The following FBXL17 variants were observed in gnomAD, a reference collection of about 807,000 sequenced individuals.
The protein encoded by FBXL17 is F-box/LRR-repeat protein 17.
Under a neutral mutation model 66.2 loss-of-function variants are expected in FBXL17, and 22 were observed. The observed-to-expected ratio is 0.33, with a 90% confidence interval of 0.24 to 0.47. FBXL17 has a LOEUF of 0.47. Among genes scored for constraint, FBXL17 ranks in the 20% least tolerant of loss-of-function variants. FBXL17 has a pLI of 1.00. For synonymous variants in FBXL17, 474 were observed against 400.5 expected, an observed-to-expected ratio of 1.18 and a Z score of -2.19; for missense variants, 878 against 948.2, an observed-to-expected ratio of 0.93 and a Z score of 0.97.
chr5:108,294,773 C>CA (rs990682568), intron 4 of FBXL17, among the ~76,000 whole-genome samples: 5 of 151,708 alleles, frequency 3.3e-5, no homozygotes, highest in African/African-American at 1.2e-4. Flanking sequence ...GTTAAAAAAA[C>CA]AAAAAAATAC....
At chr5:108,209,388 G>A (rs971244849) in intron 5 of FBXL17, among the ~76,000 whole-genome samples, 2 of 152,042 alleles carry the variant, frequency 1.3e-5, no homozygotes, top group Admixed American at 6.6e-5. Flanking sequence ...GTCTGGTGCC[G>A]GTTTTCAAAG....
At chr5:107,912,256 T>C (rs1458264575) in intron 7 of FBXL17, among the ~76,000 whole-genome samples, 1 of 152,078 alleles carries the variant, frequency 6.6e-6, no homozygotes, top group Non-Finnish European at 1.5e-5. Flanking sequence ...CACAACTCCA[T>C]GATGAAGAGA....
chr5:108,043,052 T>C (rs546899736), intron 6 of FBXL17, among the ~76,000 whole-genome samples: 1 of 152,344 alleles, frequency 6.6e-6, no homozygotes, highest in African/African-American at 2.4e-5. Context: ...GTCTATGTCA[T>C]TTACGCATTT....
chr5:108,075,697 G>A (rs200632088), intron 6 of FBXL17, among the ~76,000 whole-genome samples: 3 of 152,076 alleles, frequency 2.0e-5, no homozygotes, highest in South Asian at 2.1e-4. Context: ...GGCTGGTCTC[G>A]AACTCCTGAT....
chr5:108,234,614 C>T (rs1385351538), intron 4 of FBXL17, among the ~76,000 whole-genome samples: 1 of 152,170 alleles, frequency 6.6e-6, no homozygotes, highest in Non-Finnish European at 1.5e-5. Context: ...AATGGGTCTA[C>T]TTTCTAGGGA....
chr5:108,138,609 T>C (rs1156520456), intron 6 of FBXL17, among the ~76,000 whole-genome samples: 2 of 152,186 alleles, frequency 1.3e-5, no homozygotes, highest in African/African-American at 2.4e-5. Context: ...TAAAGAAAGT[T>C]TAATTTTTCC....
intron 6 of FBXL17, among the ~76,000 whole-genome samples, chr5:108,023,535 G>C (rs566656738): frequency 2.6e-5 from 4 of 152,224 alleles, no homozygotes; most frequent in African/African-American, 9.6e-5. Flanking sequence ...CGTTTCCCTG[G>C]CAGCATGTGG....
chr5:108,282,529 G>A (rs966681409), intron 4 of FBXL17, among the ~76,000 whole-genome samples: 3 of 151,544 alleles, frequency 2.0e-5, no homozygotes, highest in Non-Finnish European at 4.4e-5. Flanking sequence ...AGTAATAAAG[G>A]CTATATACGA....
rs548640743 is a variant in FBXL17 at position 108,200,843 on chromosome 5, G to A, written c.1615-14596C>T. Among the ~76,000 whole-genome samples, 136 of 152,234 alleles carry A rather than the reference G, an allele frequency of 8.9e-4. 3 individuals are homozygous for A. Among genetic ancestry groups the A allele is most frequent in the African/African-American group, 3.1e-3 (129 of 41,548 alleles). On this transcript the variant is annotated intron_variant, in intron 5 of 8. Transcript: ENST00000542267. ...GTGTAAATGCCTGTAATACGTCTGG[G>A]CTAGAGAGCAAACATGTGAAGAGCT...
intron 6 of FBXL17, among the ~76,000 whole-genome samples, chr5:108,107,684 C>A (rs1239092482): frequency 6.6e-6 from 1 of 151,542 alleles, no homozygotes; most frequent in Non-Finnish European, 1.5e-5. Context: ...TGGTGGCGGG[C>A]ACCTGTAGTC....
rs1189345369 is a variant in FBXL17, at chr5:108,381,740, G to A, written c.-49C>T. On this transcript the variant is annotated 5_prime_UTR_variant, in exon 1 of 9. Coordinates refer to ENST00000542267, the MANE Select transcript of FBXL17 (RefSeq NM_001163315.3). The stretch of plus-strand genomic sequence containing the variant: ...CCGGGACGGGAGGGAGGGAGACCCA[G>A]AGAGGCGGGCTCCCGGCAGCGGGGC... 2 of 1,383,010 alleles carry A rather than the reference G, an allele frequency of 1.4e-6. No individual in the cohort carries two copies. The highest frequency in any genetic ancestry group is 1.9e-6 in the Non-Finnish European group (2 of 1,074,774). 85.7% of individuals were successfully genotyped at this position (1,383,010 alleles called of 1,614,324 possible).
intron 4 of FBXL17, among the ~76,000 whole-genome samples, chr5:108,228,146 C>A (rs1490512888): frequency 6.6e-6 from 1 of 152,160 alleles, no homozygotes; most frequent in Non-Finnish European, 1.5e-5. Flanking sequence ...AGAGGAGCCT[C>A]TAACATCAAC....
intron 7 of FBXL17, among the ~76,000 whole-genome samples, chr5:107,893,647 A>AT (rs1749276765): frequency 6.6e-6 from 1 of 152,006 alleles, no homozygotes; most frequent in South Asian, 2.1e-4. Context: ...GTCTTCTTTT[A>AT]TTTTTTTATT....
chr5:107,879,536 C>T (rs1748714808), intron 8 of FBXL17: 2 of 985,354 alleles, frequency 2.0e-6, no homozygotes, highest in East Asian at 2.3e-4. Flanking sequence ...TTTCTCTAAA[C>T]ATAACTAGCT....
intron 7 of FBXL17, among the ~76,000 whole-genome samples, chr5:107,996,561 C>T (rs1561358791): frequency 6.6e-6 from 1 of 152,212 alleles, no homozygotes; most frequent in East Asian, 1.9e-4. Context: ...GTGATCCGCC[C>T]ACTTGGGCTC....
At chr5:108,297,374 T>C (rs1426087016) in intron 4 of FBXL17, among the ~76,000 whole-genome samples, 1 of 151,730 alleles carries the variant, frequency 6.6e-6, no homozygotes, top group Non-Finnish European at 1.5e-5. Context: ...AATTAAGGAA[T>C]TTAATTAACA....
chr5:108,078,839 G>A lies in FBXL17; in HGVS notation c.1746-57838C>T, dbSNP rs78665919. ...TATAAGCTTCTGTACTCCACTACGG[G>A]GTTAGGTAATCACTGTGTGATGTTC... On this transcript the variant is annotated intron_variant, in intron 6 of 8. Transcript: ENST00000542267. 3.0e-4 allele frequency among the ~76,000 whole-genome samples: 46 copies of A among 152,152 alleles called. No homozygotes were observed. In the East Asian group the frequency reaches 7.5e-3, roughly 25 times the overall value.
intron 7 of FBXL17, among the ~76,000 whole-genome samples, chr5:108,005,533 TG>T (rs1290273211): frequency 1.3e-5 from 2 of 152,196 alleles, no homozygotes; most frequent in South Asian, 2.1e-4. Flanking sequence ...ATTCCTACAG[TG>T]GGTAAGAGCT....
intron 6 of FBXL17, among the ~76,000 whole-genome samples, chr5:108,097,833 A>AGT (rs1243160005): frequency 6.6e-6 from 1 of 151,972 alleles, no homozygotes; most frequent in African/African-American, 2.4e-5. Context: ...CTGACTACCT[A>AGT]GTGTCTCTCT....
Sources: allele counts gnomAD v4.1 joint callset (sites outside exome capture counted in the v4.1 genomes callset), GRCh38; gene constraint gnomAD v4.1.1; transcripts MANE v1.5; gene names NCBI Gene and HGNC (gene_info 2026-07-23, HGNC 2026-07-21).